RIPOR3: variants seen among roughly 807,000 people sequenced by gnomAD.
The protein encoded by RIPOR3 is RIPOR family member 3, also known as family with sequence similarity 65 member C.
RIPOR3 carries 95 observed loss-of-function variants against 114.3 expected under a neutral mutation model. The ratio of observed to expected loss-of-function variants is 0.83; its 90% CI spans 0.70 to 0.99. The LOEUF is 0.99. RIPOR3 is among the 50% of genes least tolerant of loss of function. The probability of loss-of-function intolerance (pLI) is 0.00; values close to 1 mark genes in which losing one functional copy is unlikely to be tolerated. For synonymous variants in RIPOR3, 575 were observed against 543.8 expected (o/e 1.06, Z -0.80); for missense variants, 1,252 against 1,266.9 (o/e 0.99, Z 0.18).
At chr20:50,597,549 C>G (rs2083336695) in intron 14 of RIPOR3, 31 bp downstream of exon 14, 1 of 1,585,228 alleles carries the variant, frequency 6.3e-7, no homozygotes, top group African/African-American at 1.3e-5. Flanking sequence ...GTGGTGGCCA[C>G]TGGGTCACTG....
In RIPOR3 at chr20:50,633,005, T is replaced by C. The variant is rs190578483; in HGVS notation, c.4-2149A>G. ...TGGGCCAGGCACAGTGGCTCACACC[T>C]GTAATCCTAGCACTTTGGGAGGCCG... is the stretch of plus-strand genomic sequence containing the variant. On this transcript the variant is annotated intron_variant, in intron 1 of 21. Coordinates refer to ENST00000327979, the MANE Select transcript of RIPOR3 (RefSeq NM_001290268.2). Among the ~76,000 whole-genome samples the C allele has an allele frequency of 3.2e-3, 482 of 152,344 alleles. 3 individuals carry two copies. The highest frequency in any genetic ancestry group is 0.011 in the African/African-American group (455 of 41,586).
Position 50,598,365 on chromosome 20 carries a change from C to G in RIPOR3, c.1660-655G>C, listed in dbSNP as rs2083374595. On this transcript the variant is annotated intron_variant, in intron 13 of 21. Transcript: ENST00000327979. ...TCCCTGGAGATTTCTGTCTTGTCCC[C>G]AACTCGTGGCTGGCTCTGGGGCTGG... 2.0e-5 allele frequency among the ~76,000 whole-genome samples: 3 copies of G among 152,098 alleles called. No homozygotes were observed. In the South Asian group the frequency reaches 6.2e-4, roughly 32 times the overall value.
intron 1 of RIPOR3, among the ~76,000 whole-genome samples, chr20:50,677,418 C>T (rs550171729): frequency 1.4e-5 from 2 of 141,164 alleles, no homozygotes; most frequent in East Asian, 4.1e-4. Context: ...GTTGCCCAGG[C>T]CTGGGTGCAG....
rs756063645 is a variant in RIPOR3 at position 50,602,375 on chromosome 20, G to A, written c.1356C>T (p.Pro452=). Residue 452 remains proline, a synonymous_variant, in exon 13 of 22, where the codon CCC becomes CCT. Coordinates refer to ENST00000327979, the MANE Select transcript of RIPOR3 (RefSeq NM_001290268.2). The surrounding 1 kb of genome is among the most constrained non-coding windows in gnomAD (Gnocchi z 4.3). ...GGGCCATCTCTGGCAGGAGACCTGGGGGCAGGGGGTCCTCCCGAGCCTCCT... is the reference window on the plus strand; with the variant it reads ...GGGCCATCTCTGGCAGGAGACCTGGAGGCAGGGGGTCCTCCCGAGCCTCCT... ...IEEEAREDPL[P]PGLLPEMAHL... 1 of 1,613,414 alleles carries A rather than the reference G, an allele frequency of 6.2e-7. No individual in the cohort carries two copies. Among genetic ancestry groups the A allele is most frequent in the South Asian group, 1.1e-5 (1 of 91,044 alleles).
rs926325617 is a variant in RIPOR3, at chr20:50,588,898, G to A, written c.2661+788C>T. Among the ~76,000 whole-genome samples, 13 of 151,566 alleles carry A rather than the reference G, an allele frequency of 8.6e-5. 2 individuals are homozygous for A. The South Asian group carries it at 2.5e-3, about 29-fold the overall frequency. The stretch of plus-strand genomic sequence containing the variant: ...GATCGAGACCATCCTGGCTAACACA[G>A]GTAAAACCCCATCTCTACTAAAAAT... On this transcript the variant is annotated intron_variant, in intron 20 of 21. Transcript: ENST00000327979.
At chr20:50,663,383 G>A (rs967310256) in intron 1 of RIPOR3, among the ~76,000 whole-genome samples, 3 of 152,160 alleles carry the variant, frequency 2.0e-5, no homozygotes, top group African/African-American at 7.2e-5. Flanking sequence ...CTGCCAGCCC[G>A]TGGAGTATGG....
intron 13 of RIPOR3, among the ~76,000 whole-genome samples, chr20:50,600,133 C>G (rs532304078): frequency 1.3e-5 from 2 of 152,254 alleles, no homozygotes; most frequent in Admixed American, 1.3e-4. Flanking sequence ...GAACTCGTAG[C>G]CTCAAGCAAT....
In RIPOR3 at chr20:50,671,001, C is replaced by T. The variant is rs1169592909; in HGVS notation, c.3+20125G>A. On this transcript the variant is annotated intron_variant, in intron 1 of 21. Coordinates refer to ENST00000327979, the MANE Select transcript of RIPOR3 (RefSeq NM_001290268.2). The stretch of plus-strand genomic sequence containing the variant: ...GGAGTGCAGTGGTGTGATCTCCGCT[C>T]ACTGCAACCTCCACCTCCCGGCTTC... Among the ~76,000 whole-genome samples, 4 of 152,214 alleles carry T rather than the reference C, an allele frequency of 2.6e-5. No homozygotes were observed. In the South Asian group the frequency reaches 6.2e-4, roughly 24 times the overall value.
At chr20:50,593,660 G>T (rs1379007810) in intron 17 of RIPOR3, among the ~76,000 whole-genome samples, 1 of 151,986 alleles carries the variant, frequency 6.6e-6, no homozygotes, top group East Asian at 1.9e-4. Context: ...CCCAGCTAGA[G>T]TCAGGACTGT....
chr20:50,610,963 C>A, intron 5 of RIPOR3, 57 bp from the exon 6 acceptor site: 1 of 1,611,298 alleles, frequency 6.2e-7, no homozygotes, highest in South Asian at 1.1e-5. Context: ...CCACCTGCCC[C>A]GCTTGCCCCT....
chr20:50,626,710 C>A (rs181400696), intron 2 of RIPOR3, among the ~76,000 whole-genome samples: 92 of 152,338 alleles, frequency 6.0e-4, no homozygotes, highest in African/African-American at 2.2e-3. Context: ...AAATGCAAGG[C>A]TCTTTATTCA....
intron 13 of RIPOR3, among the ~76,000 whole-genome samples, chr20:50,599,156 C>G (rs1296488718): frequency 1.3e-5 from 2 of 152,126 alleles, no homozygotes; most frequent in Non-Finnish European, 2.9e-5. Context: ...CTCTGGGAGG[C>G]CGAGGCAGGT....
chr20:50,640,330 G>A (rs1202910434), intron 1 of RIPOR3, among the ~76,000 whole-genome samples: 5 of 151,334 alleles, frequency 3.3e-5, no homozygotes, highest in African/African-American at 7.3e-5. Context: ...TCTGGGGCCC[G>A]TTTGCCAGAG....
At position 50,610,896 on chromosome 20, in the gene RIPOR3, C is replaced by G. The variant is rs768965477; in HGVS notation, c.383G>C (p.Cys128Ser). The G allele has an allele frequency of 2.5e-6, 4 of 1,614,234 alleles. No individual in the cohort carries two copies. The highest frequency in any genetic ancestry group is 3.4e-6 in the Non-Finnish European group (4 of 1,180,036). The change falls in exon 6 of 22, where the codon TGT (cysteine) becomes TCT (serine). Residue 128 changes from cysteine (C) to serine (S), a missense_variant. By Grantham distance (112) the Cys-to-Ser change is moderately radical. Coordinates refer to ENST00000327979, the MANE Select transcript of RIPOR3 (RefSeq NM_001290268.2). ...CATCTTCCGAATGTGCCTTTCCACA[C>G]AGCGCGTTTGCTTCTCCCGGAAAAA... ...FYYDLDKQTR[C>S]VERHIRKMEF...
intron 2 of RIPOR3, chr20:50,620,892 G>T: frequency 1.5e-6 from 1 of 646,518 alleles, no homozygotes. Context: ...GACATGATCC[G>T]GGAGGTGTGT....
chr20:50,612,124 C>CAAA (rs542382125), intron 4 of RIPOR3, among the ~76,000 whole-genome samples: 1 of 89,200 alleles, frequency 1.1e-5, no homozygotes, highest in Non-Finnish European at 2.3e-5. Flanking sequence ...GACTCCATCT[C>CAAA]AAAAAAAAAA....
Position 50,593,071 on chromosome 20 carries a change from C to T in RIPOR3, c.2338G>A (p.Asp780Asn), listed in dbSNP as rs532459985. The T allele has an allele frequency of 6.2e-7, 1 of 1,614,120 alleles. No individual in the cohort carries two copies. The highest frequency in any genetic ancestry group is 8.5e-7 in the Non-Finnish European group (1 of 1,180,052). The change falls in exon 18 of 22, where the codon GAC (aspartate) becomes AAC (asparagine). Residue 780 changes from aspartate to asparagine, a missense_variant. By Grantham distance (23) the Asp-to-Asn change is conservative. Transcript: ENST00000327979. ...AGCTGGGTGAAGTGCTTCTCCAGGT[C>T]AGAGACGCTCTGCCTCTGCAGGTAG... ...HSYLQRQSVS[D>N]LEKHFTQLTK...
chr20:50,590,744 A>G (rs1174551805), intron 19 of RIPOR3, among the ~76,000 whole-genome samples: 2 of 151,542 alleles, frequency 1.3e-5, no homozygotes, highest in African/African-American at 4.9e-5. Context: ...AGGCCAAGCA[A>G]TCTGTCACTG....
chr20:50,601,770 G>A (rs982655818), intron 13 of RIPOR3, among the ~76,000 whole-genome samples: 1 of 152,198 alleles, frequency 6.6e-6, no homozygotes, highest in African/African-American at 2.4e-5. Flanking sequence ...GTTTGGGTTT[G>A]TAGCCACAAG....
Sources: allele counts gnomAD v4.1 joint callset (sites outside exome capture counted in the v4.1 genomes callset), GRCh38; gene constraint gnomAD v4.1.1; non-coding constraint Gnocchi (gnomAD v3.1); transcripts MANE v1.5; gene names NCBI Gene and HGNC (gene_info 2026-07-23, HGNC 2026-07-21).